Variants in SREBF2 observed in about 807,000 individuals in gnomAD.
The protein encoded by SREBF2 is sterol regulatory element-binding protein 2.
A neutral mutation model predicts 113.1 loss-of-function variants in SREBF2; 55 were observed. That is an observed-to-expected ratio of 0.49 (90% CI 0.39 to 0.61). The LOEUF (loss-of-function observed/expected upper bound fraction) is 0.61, where lower values mean the gene tolerates loss of function less well. Ranked by LOEUF, SREBF2 falls within the 20% of genes least tolerant of loss-of-function variation. SREBF2 has a pLI of 0.00. For synonymous variants in SREBF2, 593 were observed against 605.7 expected (o/e 0.98, Z 0.31); for missense variants, 1,349 against 1,487.4 (o/e 0.91, Z 1.53).
intron 16 of SREBF2, among the ~76,000 whole-genome samples, chr22:41,901,952 C>G (rs2077468878): frequency 6.6e-6 from 1 of 152,250 alleles, no homozygotes; most frequent in Non-Finnish European, 1.5e-5. Context: ...CTGCTGCCTC[C>G]ATGCCCACAG....
At chr22:41,895,968 C>T (rs1307035661) in intron 13 of SREBF2, among the ~76,000 whole-genome samples, 1 of 151,788 alleles carries the variant, frequency 6.6e-6, no homozygotes, top group Admixed American at 6.6e-5. Flanking sequence ...ACGGTGAAAC[C>T]CCGTCTACTA....
At position 41,867,054 on chromosome 22, in the gene SREBF2, G is replaced by A. The variant is rs369078163; in HGVS notation, c.312G>A (p.Ala104=). Residue 104 remains alanine (A), a synonymous_variant, in exon 2 of 19, where the codon GCG becomes GCA. Transcript: ENST00000361204. ...QVTLPSFSPS[A]ASPQAPTLQV... ...CATTACCTTCCTTCTCTCCCTCGGC[G>A]GCCTCCCCACAGGCTCCAACTCTGC... 37 of 1,613,942 alleles carry A rather than the reference G, an allele frequency of 2.3e-5. No homozygotes were observed. The highest frequency in any genetic ancestry group is 2.7e-5 in the Non-Finnish European group (32 of 1,180,032).
chr22:41,870,794 C>G lies in SREBF2; in HGVS notation c.721-95C>G, dbSNP rs955825444. ...CAATTTCATAAAAATTATATCATTT[C>G]TCATTCTTTCTTGGAAGGTCTATGC... On this transcript the variant is annotated intron_variant, in intron 3 of 18. Transcript: ENST00000361204. 2.7e-6 allele frequency: 4 copies of G among 1,483,178 alleles called. No individual in the cohort carries two copies. In the East Asian group the frequency reaches 9.0e-5, roughly 34 times the overall value. The allele number at this position is 1,483,178 out of a possible 1,614,324, so 91.9% of individuals were successfully genotyped here. A position where few individuals can be genotyped will look rare whatever the true frequency, so the allele number is the denominator to read the frequency against.
intron 1 of SREBF2, among the ~76,000 whole-genome samples, chr22:41,839,840 A>C (rs1378323413): frequency 6.6e-6 from 1 of 152,074 alleles, no homozygotes; most frequent in Non-Finnish European, 1.5e-5. Flanking sequence ...CTTGTGTACA[A>C]GTTGCTGTGT....
At chr22:41,844,285 A>C (rs2076858027) in intron 1 of SREBF2, among the ~76,000 whole-genome samples, 1 of 152,132 alleles carries the variant, frequency 6.6e-6, no homozygotes, top group Non-Finnish European at 1.5e-5. Flanking sequence ...GCTCTATTTA[A>C]AAATGAATGA....
chr22:41,902,560 C>A (rs2077473805), intron 16 of SREBF2, among the ~76,000 whole-genome samples: 2 of 152,210 alleles, frequency 1.3e-5, no homozygotes, highest in Non-Finnish European at 2.9e-5. Flanking sequence ...TCTGCTGCCA[C>A]TTCAGGCTTT....
chr22:41,897,220 T>A (rs975186418), intron 14 of SREBF2, 59 bp downstream of exon 14: 47 of 1,229,926 alleles, frequency 3.8e-5, no homozygotes, highest in Non-Finnish European at 4.3e-5. Flanking sequence ...TTCACAGTGC[T>A]TTTGCCCCAG....
intron 7 of SREBF2, 87 bp from the exon 8 acceptor site, chr22:41,877,142 C>T: frequency 4.5e-6 from 6 of 1,345,868 alleles, no homozygotes; most frequent in South Asian, 1.2e-5. Context: ...AACCTCATAA[C>T]CATTTCTCAA....
intron 10 of SREBF2, 97 bp downstream of exon 10, chr22:41,881,089 T>A: frequency 6.8e-7 from 1 of 1,479,570 alleles, no homozygotes; most frequent in Admixed American, 1.9e-5. Flanking sequence ...CTAGCTGAAG[T>A]CCCTTTAACG....
Position 41,868,703 on chromosome 22 carries a change from G to A in SREBF2, c.631G>A (p.Val211Met), listed in dbSNP as rs2077110545. ...GGTGCAGACAGTACAGGCCCAGCGGGTGCTGACACAAACGGCCAATGGCAC... is the reference window on the plus strand; with the variant it reads ...GGTGCAGACAGTACAGGCCCAGCGGATGCTGACACAAACGGCCAATGGCAC... Reference protein sequence around the residue: ...QQVQTVQAQRVLTQTANGTLQ... With the variant: ...QQVQTVQAQRMLTQTANGTLQ... The change falls in exon 3 of 19, where the codon GTG (valine) becomes ATG (methionine). Residue 211 changes from valine to methionine, a missense_variant. This residue lies in a region of SREBF2 where 699 missense variants were observed against 843.3 expected (regional missense o/e 0.83). Coordinates refer to ENST00000361204, the MANE Select transcript of SREBF2 (RefSeq NM_004599.4). 15 of 1,614,226 alleles carry A rather than the reference G, an allele frequency of 9.3e-6. No individual in the cohort carries two copies. Among genetic ancestry groups the A allele is most frequent in the Non-Finnish European group, 1.2e-5 (14 of 1,180,054 alleles).
chr22:41,833,245 G>C lies in SREBF2; in HGVS notation c.-26G>C, dbSNP rs200467127. On this transcript the variant is annotated 5_prime_UTR_variant, in exon 1 of 19. Coordinates refer to ENST00000361204, the MANE Select transcript of SREBF2 (RefSeq NM_004599.4). This position sits in a 1 kb window ranked among gnomAD's most constrained non-coding sequence, Gnocchi z 4.1. ...CGCGTCTCCCTGAGCGGGACGGCAGGGGGGGCTTCTGCGCTGAGCCGGGCG... is the reference window on the plus strand; with the variant it reads ...CGCGTCTCCCTGAGCGGGACGGCAGCGGGGGCTTCTGCGCTGAGCCGGGCG... 46 of 1,513,238 alleles carry C rather than the reference G, an allele frequency of 3.0e-5. No homozygotes were observed. The highest frequency in any genetic ancestry group is 4.0e-5 in the Non-Finnish European group (45 of 1,131,080). 93.7% of individuals were successfully genotyped at this position (1,513,238 alleles called of 1,614,324 possible). A position where few individuals can be genotyped will look rare whatever the true frequency, so the allele number is the denominator to read the frequency against.
At chr22:41,835,534 T>A (rs1279208472) in intron 1 of SREBF2, among the ~76,000 whole-genome samples, 3 of 152,034 alleles carry the variant, frequency 2.0e-5, no homozygotes, top group Non-Finnish European at 2.9e-5. Flanking sequence ...GGTCTCCAAC[T>A]CCCAACCTCA....
In SREBF2 at chr22:41,902,887, G is replaced by T. The variant is rs1460374914; in HGVS notation, c.2908-83G>T. On this transcript the variant is annotated intron_variant, in intron 16 of 18. Transcript: ENST00000361204. ...CCAGAGCTGCTGAGTGTTGGTCTGGGGAGAGGCCTGGTAGGTGCTAGGATC... is the reference window on the plus strand; with the variant it reads ...CCAGAGCTGCTGAGTGTTGGTCTGGTGAGAGGCCTGGTAGGTGCTAGGATC... 8.3e-6 allele frequency: 12 copies of T among 1,437,596 alleles called. No individual in the cohort carries two copies. In the East Asian group the frequency reaches 3.0e-4, roughly 35 times the overall value. The allele number at this position is 1,437,596 out of a possible 1,614,324, so 89.1% of individuals were successfully genotyped here. A position where few individuals can be genotyped will look rare whatever the true frequency, so the allele number is the denominator to read the frequency against.
At chr22:41,869,502 G>T (rs2017128) in intron 3 of SREBF2, among the ~76,000 whole-genome samples, 33,980 of 84,972 alleles carry the variant, frequency 0.4, 4,459 homozygotes, top group East Asian at 0.61. Context: ...TTTTTTTTTT[G>T]GAGACAGTTT....
rs770036277 is a variant in SREBF2, at chr22:41,884,988, G to A, written c.2185G>A (p.Gly729Arg). 6.8e-6 allele frequency: 11 copies of A among 1,614,066 alleles called. No homozygotes were observed. Among genetic ancestry groups the A allele is most frequent in the Non-Finnish European group, 8.5e-6 (10 of 1,180,038 alleles). The change falls in exon 11 of 19, where the codon GGA (glycine) becomes AGA (arginine). Residue 729 changes from glycine to arginine, a missense_variant. Physicochemically the swap from Gly to Arg is moderately radical, Grantham distance 125 (BLOSUM62 -2). This residue lies in a region of SREBF2 where 650 missense variants were observed against 644.1 expected (regional missense o/e 1.01). Transcript: ENST00000361204. ...TAAMGLKTRC[G>R]GKLGFLASYF... Reference sequence around the variant, plus strand: ...TGCCATGGGGCTCAAGACCCGGTGTGGAGGCAAGCTGGGCTTCCTGGCCGT... The same window carrying A: ...TGCCATGGGGCTCAAGACCCGGTGTAGAGGCAAGCTGGGCTTCCTGGCCGT...
chr22:41,895,224 C>T (rs956623179), intron 13 of SREBF2, among the ~76,000 whole-genome samples: 4 of 151,470 alleles, frequency 2.6e-5, no homozygotes, highest in African/African-American at 4.9e-5. Flanking sequence ...ACTGCAAGCT[C>T]TGCCTCCTGG....
chr22:41,874,572 A>C (rs2077175553), intron 5 of SREBF2, among the ~76,000 whole-genome samples: 1 of 152,208 alleles, frequency 6.6e-6, no homozygotes, highest in South Asian at 2.1e-4. Context: ...CTTGCCTACA[A>C]ATCTGAAAGC....
At chr22:41,837,035 A>G (rs146030871) in intron 1 of SREBF2, among the ~76,000 whole-genome samples, 140 of 152,324 alleles carry the variant, frequency 9.2e-4, no homozygotes, top group South Asian at 1.7e-3. Context: ...GCGACAGATC[A>G]TGTGTCTTCT....
chr22:41,900,800 C>A, intron 16 of SREBF2: 1 of 529,828 alleles, frequency 1.9e-6, no homozygotes. Context: ...AGGGGTTCAC[C>A]TGCATTTGCT....
Sources: allele counts gnomAD v4.1 joint callset (sites outside exome capture counted in the v4.1 genomes callset), GRCh38; gene constraint gnomAD v4.1.1; regional missense constraint gnomAD v4.1.1; non-coding constraint Gnocchi (gnomAD v3.1); transcripts MANE v1.5; gene names NCBI Gene and HGNC (gene_info 2026-07-23, HGNC 2026-07-21).